Variants in ZNF382 observed in about 807,000 individuals in gnomAD.
The protein encoded by ZNF382 is zinc finger protein 382.
Under a neutral mutation model 38.8 loss-of-function variants are expected in ZNF382, and 20 were observed. The observed-to-expected ratio is 0.51, with a 90% confidence interval of 0.36 to 0.75. The LOEUF is 0.75. ZNF382 is among the 30% of genes least tolerant of loss of function. The probability of loss-of-function intolerance (pLI) is 0.00; values close to 1 mark genes in which losing one functional copy is unlikely to be tolerated. For synonymous variants in ZNF382, 202 were observed against 223.1 expected, an observed-to-expected ratio of 0.91 and a Z score of 0.84; for missense variants, 546 against 654.1, an observed-to-expected ratio of 0.83 and a Z score of 1.80.
chr19:36,608,530 T>G (rs915032129), intron 2 of ZNF382: 2 of 152,214 alleles, frequency 1.3e-5, no homozygotes, highest in Non-Finnish European at 2.9e-5. Flanking sequence ...TCCACCAACC[T>G]TTAAAATACT....
chr19:36,616,990 A>G lies in ZNF382; in HGVS notation c.232+6248A>G, dbSNP rs566650791. 4.6e-5 allele frequency among the ~76,000 whole-genome samples: 7 copies of G among 152,154 alleles called. No individual in the cohort carries two copies. In the East Asian group the frequency reaches 1.4e-3, roughly 29 times the overall value. ...AGGGACAATCAGAGGTGGTGAGAGG[A>G]GGAAGGAGGAGTGGAGCAGTGGGAA... On this transcript the variant is annotated intron_variant, in intron 4 of 4. Coordinates refer to ENST00000292928, the MANE Select transcript of ZNF382 (RefSeq NM_032825.5).
At chr19:36,614,880 C>CT (rs1555793078) in intron 4 of ZNF382, among the ~76,000 whole-genome samples, 17 of 89,826 alleles carry the variant, frequency 1.9e-4, no homozygotes, top group Middle Eastern at 4.8e-3. Context: ...TTCTTTCTTT[C>CT]TTCCTTTCCT....
At chr19:36,620,565 T>C (rs1181209697) in intron 4 of ZNF382, among the ~76,000 whole-genome samples, 1 of 152,204 alleles carries the variant, frequency 6.6e-6, no homozygotes, top group African/African-American at 2.4e-5. Context: ...AATTCTCAAA[T>C]TGATTTCCTT....
Position 36,626,875 on chromosome 19 carries a change from C to T in ZNF382, c.978C>T (p.Cys326=). Residue 326 remains cysteine (C), a synonymous_variant, in exon 5 of 5, where the codon TGC becomes TGT. Coordinates refer to ENST00000292928, the MANE Select transcript of ZNF382 (RefSeq NM_032825.5). ...ACACAGGTGAAAAACCTTATGTTTG[C>T]AATCAATGTGGAAAGGCCTTCCGTC... The part of the protein sequence containing the change: ...RIHTGEKPYV[C]NQCGKAFRQK... 1 of 1,614,146 alleles carries T rather than the reference C, an allele frequency of 6.2e-7. No homozygotes were observed. Among genetic ancestry groups the T allele is most frequent in the Non-Finnish European group, 8.5e-7 (1 of 1,179,998 alleles).
intron 4 of ZNF382, among the ~76,000 whole-genome samples, chr19:36,617,914 T>C (rs114984437): frequency 0.01 from 1,526 of 152,204 alleles, 33 homozygotes; most frequent in African/African-American, 0.035. Flanking sequence ...CTGGGCCTAA[T>C]TGGTTAAAGT....
chr19:36,622,249 G>C (rs1310788751), intron 4 of ZNF382, among the ~76,000 whole-genome samples: 1 of 152,024 alleles, frequency 6.6e-6, no homozygotes, highest in Non-Finnish European at 1.5e-5. Flanking sequence ...TCAAACTCCT[G>C]ACCTCAAGTG....
chr19:36,610,156 T>C (rs2037065777), intron 3 of ZNF382, 103 bp downstream of exon 3: 2 of 1,447,262 alleles, frequency 1.4e-6, no homozygotes, highest in South Asian at 2.5e-5. Flanking sequence ...ATTATTTTTT[T>C]GGCAGAAAAT....
chr19:36,607,758 C>T (rs2037046238), intron 2 of ZNF382, 136 bp downstream of exon 2: 1 of 911,468 alleles, frequency 1.1e-6, no homozygotes, highest in Non-Finnish European at 1.6e-6. Flanking sequence ...CCAGATTAGG[C>T]TGAGGCAGGC....
chr19:36,620,957 C>T (rs2145328445), intron 4 of ZNF382, among the ~76,000 whole-genome samples: 1 of 152,142 alleles, frequency 6.6e-6, no homozygotes, highest in East Asian at 1.9e-4. Context: ...TGGGGTTTCA[C>T]CATGTTGGCC....
intron 4 of ZNF382, among the ~76,000 whole-genome samples, chr19:36,621,482 C>T (rs141873608): frequency 3.6e-4 from 55 of 151,946 alleles, no homozygotes; most frequent in African/African-American, 8.0e-4. Context: ...TCAGAACTTT[C>T]GATAATCTCT....
Position 36,627,406 on chromosome 19 carries a change from G to C in ZNF382, c.1509G>C (p.Arg503Ser). ...CTCAGTGTGGGAAAGCCTTCAGTAGGAAATCAAACCTCATTCGCCATCAGA... is the reference window on the plus strand; with the variant it reads ...CTCAGTGTGGGAAAGCCTTCAGTAGCAAATCAAACCTCATTCGCCATCAGA... ...GCPQCGKAFS[R>S]KSNLIRHQKT... The change falls in exon 5 of 5, where the codon AGG (arginine) becomes AGC (serine). Residue 503 changes from arginine to serine, a missense_variant. Transcript: ENST00000292928. The C allele has an allele frequency of 6.2e-7, 1 of 1,614,136 alleles. No homozygotes were observed. The highest frequency in any genetic ancestry group is 8.5e-7 in the Non-Finnish European group (1 of 1,180,020).
At chr19:36,615,543 G>A (rs1252793309) in intron 4 of ZNF382, among the ~76,000 whole-genome samples, 1 of 152,122 alleles carries the variant, frequency 6.6e-6, no homozygotes, top group Non-Finnish European at 1.5e-5. Flanking sequence ...TACACAGATA[G>A]TATTTATTAT....
chr19:36,610,527 T>C, intron 3 of ZNF382, 123 bp from the exon 4 acceptor site: 1 of 629,680 alleles, frequency 1.6e-6, no homozygotes. Flanking sequence ...TAGTGTAAGG[T>C]ATTAACTTTG....
intron 1 of ZNF382, among the ~76,000 whole-genome samples, chr19:36,606,064 GA>G (rs951074710): frequency 1.3e-5 from 2 of 152,130 alleles, no homozygotes; most frequent in African/African-American, 4.8e-5. Context: ...CTAAATATTT[GA>G]ATGATTGAGG....
intron 4 of ZNF382, among the ~76,000 whole-genome samples, chr19:36,612,154 G>A (rs1412058182): frequency 6.6e-6 from 1 of 152,174 alleles, no homozygotes; most frequent in Non-Finnish European, 1.5e-5. Context: ...TTCCAACTCA[G>A]TCCCTCCCAT....
chr19:36,617,973 G>A lies in ZNF382; in HGVS notation c.232+7231G>A, dbSNP rs73929123. Among the ~76,000 whole-genome samples the A allele has an allele frequency of 2.3e-3, 350 of 152,212 alleles. 1 individual carries two copies. Among genetic ancestry groups the A allele is most frequent in the African/African-American group, 7.9e-3 (329 of 41,534 alleles). ...GGGATGCAGTCTTTACTCCTAAAACGTGGCCCTTCTGGAGTCTCGATGGAA... is the reference window on the plus strand; with the variant it reads ...GGGATGCAGTCTTTACTCCTAAAACATGGCCCTTCTGGAGTCTCGATGGAA... On this transcript the variant is annotated intron_variant, in intron 4 of 4. Transcript: ENST00000292928.
At position 36,626,163 on chromosome 19, in the gene ZNF382, A is replaced by G. The variant is rs377189949; in HGVS notation, c.266A>G (p.Lys89Arg). 25 of 1,562,442 alleles carry G rather than the reference A, an allele frequency of 1.6e-5. No homozygotes were observed. Among genetic ancestry groups the G allele is most frequent in the Non-Finnish European group, 2.1e-5 (24 of 1,161,648 alleles). The change falls in exon 5 of 5, where the codon AAG (lysine) becomes AGG (arginine). Residue 89 changes from lysine (K) to arginine (R), a missense_variant. By Grantham distance (26) the Lys-to-Arg change is conservative. Transcript: ENST00000292928. ...GGGAAAACTGAAGATGTCTTAGTGAAGTTCAAAGAATACCAAGACAGGCAT... is the reference window on the plus strand; with the variant it reads ...GGGAAAACTGAAGATGTCTTAGTGAGGTTCAAAGAATACCAAGACAGGCAT... ...EDGKTEDVLV[K>R]FKEYQDRHSR...
In ZNF382 at chr19:36,626,936, A is replaced by G; in HGVS notation, c.1039A>G (p.Ile347Val). 1 of 1,614,244 alleles carries G rather than the reference A, an allele frequency of 6.2e-7. No homozygotes were observed. The highest frequency in any genetic ancestry group is 8.5e-7 in the Non-Finnish European group (1 of 1,180,030). The change falls in exon 5 of 5, where the codon ATA becomes GTA. Residue 347 changes from isoleucine to valine, a missense_variant. By Grantham distance (29) the Ile-to-Val change is conservative. Transcript: ENST00000292928. ...CCTCACCCTTCATGAGAAAACACAT[A>G]TAGAGGGGAAACCCTTTATTTGTAT... ...TALTLHEKTH[I>V]EGKPFICIDC... is the part of the protein sequence containing the mutation.
chr19:36,610,222 G>A (rs543685146), intron 3 of ZNF382, among the ~76,000 whole-genome samples, 169 bp downstream of exon 3: 3 of 152,160 alleles, frequency 2.0e-5, no homozygotes, highest in South Asian at 2.1e-4. Context: ...TTGGGAGGCC[G>A]AGGCAGGTGG....
Sources: allele counts gnomAD v4.1 joint callset (sites outside exome capture counted in the v4.1 genomes callset), GRCh38; gene constraint gnomAD v4.1.1; transcripts MANE v1.5; gene names NCBI Gene and HGNC (gene_info 2026-07-23, HGNC 2026-07-21).